The following ARSG variants were observed in gnomAD, a reference collection of about 807,000 sequenced individuals.
The protein encoded by ARSG is ASG.
Under a neutral mutation model 50.5 loss-of-function variants are expected in ARSG, and 37 were observed. The ratio of observed to expected loss-of-function variants is 0.73; its 90% CI spans 0.56 to 0.96. The LOEUF (loss-of-function observed/expected upper bound fraction) is 0.96, where lower values mean the gene tolerates loss of function less well. Among genes scored for constraint, ARSG ranks in the 50% least tolerant of loss-of-function variants. ARSG has a pLI of 0.00. For missense variants in ARSG, 629 were observed against 675.3 expected, an observed-to-expected ratio of 0.93 and a Z score of 0.76; for synonymous variants, 225 against 254.6, an observed-to-expected ratio of 0.88 and a Z score of 1.11.
intron 1 of ARSG, chr17:68,268,081 C>T (rs1270080163): frequency 5.9e-5 from 9 of 152,148 alleles, no homozygotes; most frequent in Non-Finnish European, 1.2e-4. Context: ...TAATAGCACA[C>T]GTTGCCCCTA....
At chr17:68,300,334 A>G (rs558527119) in intron 1 of ARSG, among the ~76,000 whole-genome samples, 26 of 152,332 alleles carry the variant, frequency 1.7e-4, no homozygotes, top group East Asian at 1.9e-4. Context: ...TGTGTTGATA[A>G]TTGTTGAATT....
At chr17:68,441,955 CTTTTATCTGA>C in the ARSG span, among the ~76,000 whole-genome samples, 1 of 152,158 alleles carries the variant, frequency 6.6e-6, no homozygotes, top group Non-Finnish European at 1.5e-5. Flanking sequence ...AGGAGGCATT[CTTTTATCTGA>C]GACAGAGGAA....
At chr17:68,334,227 C>T (rs983742655) in intron 2 of ARSG, among the ~76,000 whole-genome samples, 1 of 152,142 alleles carries the variant, frequency 6.6e-6, no homozygotes, top group Non-Finnish European at 1.5e-5. Flanking sequence ...ACTGGGATCT[C>T]ACAGTGCAAT....
intron 1 of ARSG, among the ~76,000 whole-genome samples, chr17:68,276,743 C>G (rs1253932064): frequency 1.3e-5 from 2 of 152,308 alleles, no homozygotes; most frequent in East Asian, 3.9e-4. Context: ...CGTGAGCCAC[C>G]ATGCCCAGCT....
intron 2 of ARSG, among the ~76,000 whole-genome samples, chr17:68,318,264 T>C (rs2077150217): frequency 6.6e-6 from 1 of 152,228 alleles, no homozygotes; most frequent in Non-Finnish European, 1.5e-5. Context: ...TTAAGATAAC[T>C]CTGAGAGCTC....
intron 1 of ARSG, among the ~76,000 whole-genome samples, chr17:68,270,053 A>T (rs1249948291): frequency 1.1e-4 from 17 of 152,168 alleles, no homozygotes. Context: ...AAGATATGAA[A>T]CATACCTATG....
Position 68,352,151 on chromosome 17 carries a change from G to C in ARSG, c.566+465G>C, listed in dbSNP as rs2078818406. ...GAGAGAGAGAGACAGAGGAGAGAGA[G>C]AGAGAGAGAGACAGAGAGAGAGAGA... On this transcript the variant is annotated intron_variant, in intron 5 of 11. Transcript: ENST00000621439. Among the ~76,000 whole-genome samples the C allele has an allele frequency of 1.5e-3, 203 of 131,644 alleles. 2 individuals are homozygous for C. The highest frequency in any genetic ancestry group is 7.8e-3 in the Middle Eastern group (2 of 256). The allele number at this position is 131,644 out of a possible 152,430, so 86.4% of individuals were successfully genotyped here. A position where few individuals can be genotyped will look rare whatever the true frequency, so the allele number is the denominator to read the frequency against.
chr17:68,426,234 CT>C, downstream of ARSG: 1 of 705,818 alleles, frequency 1.4e-6, no homozygotes, highest in Non-Finnish European at 2.0e-6. Context: ...ATGCCATGAC[CT>C]GGCGGGTGGG....
At chr17:68,444,982 G>A in the ARSG span, among the ~76,000 whole-genome samples, 31 of 134,512 alleles carry the variant, frequency 2.3e-4, no homozygotes, top group African/African-American at 8.0e-4. Context: ...GTGCAGTGGC[G>A]CAATCTCAGC....
intron 2 of ARSG, among the ~76,000 whole-genome samples, chr17:68,313,959 G>A (rs111560198): frequency 0.018 from 2,751 of 152,104 alleles, 70 homozygotes; most frequent in African/African-American, 0.061. Context: ...GATTACAAGC[G>A]TGAGCCACCA....
Position 68,331,953 on chromosome 17 carries a change from C to T in ARSG, c.219-11651C>T, listed in dbSNP as rs137900733. ...TGGAGGCAGGGCGAGATCACAGGAC[C>T]GAGGCAAAATTAGAATTGCTAATGA... On this transcript the variant is annotated intron_variant, in intron 2 of 11. Coordinates refer to ENST00000621439, the MANE Select transcript of ARSG (RefSeq NM_001267727.2). Among the ~76,000 whole-genome samples the T allele has an allele frequency of 3.7e-4, 57 of 152,158 alleles. 1 individual carries two copies. The highest frequency in any genetic ancestry group is 8.9e-4 in the African/African-American group (37 of 41,506).
intron 9 of ARSG, among the ~76,000 whole-genome samples, chr17:68,389,357 G>C (rs2080884590): frequency 6.6e-6 from 1 of 152,146 alleles, no homozygotes. Flanking sequence ...CTGGGGCTAT[G>C]CTGGCTTCTA....
At chr17:68,314,374 A>G (rs1014260759) in intron 2 of ARSG, among the ~76,000 whole-genome samples, 2 of 152,058 alleles carry the variant, frequency 1.3e-5, no homozygotes, top group South Asian at 2.1e-4. Flanking sequence ...TAAAAATACA[A>G]AAGTAGCCAG....
At chr17:68,266,410 T>TAC (rs2075162381) in intron 1 of ARSG, among the ~76,000 whole-genome samples, 1 of 75,292 alleles carries the variant, frequency 1.3e-5, no homozygotes, top group African/African-American at 4.5e-5. Context: ...CTTTTTTGTA[T>TAC]AAAAAGTATA....
intron 4 of ARSG, among the ~76,000 whole-genome samples, chr17:68,348,758 T>C (rs143641327): frequency 2.0e-5 from 3 of 152,198 alleles, no homozygotes; most frequent in African/African-American, 7.2e-5. Flanking sequence ...GGAGAAGAGA[T>C]AGAATGAAGG....
chr17:68,334,458 C>G (rs1052336565), intron 2 of ARSG, among the ~76,000 whole-genome samples: 1 of 152,114 alleles, frequency 6.6e-6, no homozygotes, highest in African/African-American at 2.4e-5. Context: ...CAAACCTTAT[C>G]TTATGAGAGA....
chr17:68,424,851 T>C (rs2083053741), downstream of ARSG, among the ~76,000 whole-genome samples: 3 of 152,230 alleles, frequency 2.0e-5, no homozygotes, highest in Admixed American at 6.5e-5. Flanking sequence ...CACTCCAGCC[T>C]GGGTGACAGA....
At chr17:68,430,087 T>A in the ARSG span, 1 of 1,614,084 alleles carries the variant, frequency 6.2e-7, no homozygotes, top group Middle Eastern at 1.6e-4. Context: ...GACACCTGGG[T>A]AGGGAGGTAG....
At chr17:68,428,757 C>A in the ARSG span, 5 of 1,204,056 alleles carry the variant, frequency 4.2e-6, no homozygotes, top group Admixed American at 5.6e-5. Flanking sequence ...TGAAGCTTGT[C>A]GTTCTTGGCG....
Sources: allele counts gnomAD v4.1 joint callset (sites outside exome capture counted in the v4.1 genomes callset), GRCh38; gene constraint gnomAD v4.1.1; transcripts MANE v1.5; gene names NCBI Gene and HGNC (gene_info 2026-07-23, HGNC 2026-07-21).